CUX1: variants seen among roughly 807,000 people sequenced by gnomAD.
CUX1 encodes the protein protein CASP.
Under a neutral mutation model 158.8 loss-of-function variants are expected in CUX1, and 31 were observed. The observed-to-expected ratio is 0.20, with a 90% CI of 0.15 to 0.26. The LOEUF is 0.26. CUX1 is among the 10% of genes least tolerant of loss of function. The pLI is 1.00. For missense variants in CUX1, 1,589 were observed against 2,014.6 expected (o/e 0.79, Z 4.04); for synonymous variants, 879 against 862.1 (o/e 1.02, Z -0.34).
At chr7:101,969,359 C>CAAAAAAAAAAAAAAAAAAAA (rs10711703) in intron 2 of CUX1, among the ~76,000 whole-genome samples, 2 of 56,110 alleles carry the variant, frequency 3.6e-5, no homozygotes, top group Admixed American at 2.1e-4. Context: ...CAAAAAACAG[C>CAAAAAAAAAAAAAAAAAAAA]AAAAAAAAAA....
At chr7:101,922,087 C>T (rs1044054983) in intron 2 of CUX1, among the ~76,000 whole-genome samples, 6 of 151,898 alleles carry the variant, frequency 4.0e-5, no homozygotes, top group African/African-American at 1.5e-4. Context: ...CACTGCACTC[C>T]AGCCTGGGCA....
At chr7:102,080,268 G>T (rs2130732394) in intron 4 of CUX1, among the ~76,000 whole-genome samples, 1 of 152,284 alleles carries the variant, frequency 6.6e-6, no homozygotes, top group Non-Finnish European at 1.5e-5. Flanking sequence ...TGCGTCGTTT[G>T]TGCCCCGCTT....
chr7:102,115,754 G>A (rs1236593110), intron 8 of CUX1: 1 of 152,964 alleles, frequency 6.5e-6, no homozygotes, highest in Admixed American at 6.5e-5. Flanking sequence ...GTCACAAAAG[G>A]CCAATTCCTA....
At chr7:101,855,130 C>T (rs890481367) in intron 1 of CUX1, among the ~76,000 whole-genome samples, 15 of 152,230 alleles carry the variant, frequency 9.9e-5, no homozygotes, top group Non-Finnish European at 1.9e-4. Context: ...TCCCCAGTGC[C>T]GTGGCATCTT....
intron 4 of CUX1, among the ~76,000 whole-genome samples, chr7:102,070,752 C>G (rs1826033849): frequency 6.6e-6 from 1 of 152,114 alleles, no homozygotes; most frequent in African/African-American, 2.4e-5. Context: ...GTGTGGAAGT[C>G]CCTCATATTG....
intron 1 of CUX1, among the ~76,000 whole-genome samples, chr7:101,838,265 G>T (rs1794848111): frequency 6.6e-6 from 1 of 151,714 alleles, no homozygotes; most frequent in Admixed American, 6.6e-5. Flanking sequence ...GAGTAGCTGG[G>T]ACTACAGGCG....
chr7:102,035,556 A>T (rs1821331849), intron 3 of CUX1, among the ~76,000 whole-genome samples: 1 of 151,742 alleles, frequency 6.6e-6, no homozygotes, highest in African/African-American at 2.4e-5. Flanking sequence ...AGGTTACTAG[A>T]TACAAAATCA....
intron 4 of CUX1, among the ~76,000 whole-genome samples, chr7:102,089,384 G>A (rs1828290412): frequency 6.6e-6 from 1 of 152,198 alleles, no homozygotes; most frequent in South Asian, 2.1e-4. Flanking sequence ...GACATCATGA[G>A]CTTTAACTGG....
chr7:102,202,506 C>T (rs1438519194), intron 18 of CUX1, among the ~76,000 whole-genome samples: 1 of 152,100 alleles, frequency 6.6e-6, no homozygotes, highest in Non-Finnish European at 1.5e-5. Context: ...GGGAAGGACA[C>T]CAAGGCTTGG....
chr7:102,026,518 G>T lies in CUX1; in HGVS notation c.142-1580G>T, dbSNP rs1262683584. Among the ~76,000 whole-genome samples the T allele has an allele frequency of 5.9e-5, 9 of 151,940 alleles. No homozygotes were observed. In the East Asian group the frequency reaches 1.8e-3, roughly 30 times the overall value. ...GTAGCTTTCCTCAGATTCTCAGAAG[G>T]CTTCATCAACTAAAATGTAGGCCTA... On this transcript the variant is annotated intron_variant, in intron 2 of 23. Transcript: ENST00000292535.
intron 20 of CUX1, among the ~76,000 whole-genome samples, chr7:102,216,164 CGTA>C (rs1410419356): frequency 1.3e-5 from 2 of 152,038 alleles, no homozygotes; most frequent in Non-Finnish European, 2.9e-5. Flanking sequence ...ATTAGCCAGG[CGTA>C]GTGGTGTGCA....
At chr7:102,239,210 C>G in intron 22 of CUX1, 110 bp from the exon 23 acceptor site, 4 of 1,276,758 alleles carry the variant, frequency 3.1e-6, no homozygotes, top group East Asian at 2.5e-5. Context: ...TTGAGATGCT[C>G]TATGCAAAGT....
At chr7:102,277,615 A>C (rs1386025614) in intron 17 of CUX1, among the ~76,000 whole-genome samples, 6 of 151,956 alleles carry the variant, frequency 3.9e-5, no homozygotes, top group Non-Finnish European at 7.4e-5. Flanking sequence ...AAATAATAAA[A>C]ATAAAAATAA....
Position 101,817,723 on chromosome 7 carries a change from G to T in CUX1, c.30+54G>T. ...AGGTTGCAGGCGCGGAGGGAACCGG[G>T]GATGTCGGGGGGTGCCCGGGTCCCG... is the stretch of plus-strand genomic sequence containing the variant. On this transcript the variant is annotated intron_variant, in intron 1 of 23. Coordinates refer to ENST00000292535, the MANE Select transcript of CUX1 (RefSeq NM_181552.4). The surrounding 1 kb of genome is among the most constrained non-coding windows in gnomAD (Gnocchi z 4.1). The T allele has an allele frequency of 1.3e-6, 2 of 1,543,092 alleles. No homozygotes were observed. Among genetic ancestry groups the T allele is most frequent in the South Asian group, 2.4e-5 (2 of 83,640 alleles).
Position 102,131,058 on chromosome 7 carries a change from G to A in CUX1, c.674+15785G>A, listed in dbSNP as rs570029538. On this transcript the variant is annotated intron_variant, in intron 8 of 23. Coordinates refer to ENST00000292535, the MANE Select transcript of CUX1 (RefSeq NM_181552.4). Reference sequence around the variant, plus strand: ...CAGCTACTCAGAAAGCTGAGTCAGCGAGATCATGCCACTGCATTTCAGCCT... The same window carrying A: ...CAGCTACTCAGAAAGCTGAGTCAGCAAGATCATGCCACTGCATTTCAGCCT... Among the ~76,000 whole-genome samples, 41 of 147,302 alleles carry A rather than the reference G, an allele frequency of 2.8e-4. No individual in the cohort carries two copies. In the South Asian group the frequency reaches 5.3e-3, roughly 19 times the overall value.
chr7:102,053,625 T>C (rs1023853444), intron 3 of CUX1, among the ~76,000 whole-genome samples: 1 of 152,106 alleles, frequency 6.6e-6, no homozygotes, highest in African/African-American at 2.4e-5. Flanking sequence ...ATCCTTCTAC[T>C]TTCTATGTCC....
chr7:101,874,626 C>T (rs1181164001), intron 1 of CUX1, among the ~76,000 whole-genome samples: 2 of 152,164 alleles, frequency 1.3e-5, no homozygotes, highest in African/African-American at 2.4e-5. Flanking sequence ...AAGTCACTGG[C>T]CCAGGTCCTC....
rs781824811 is a variant in CUX1, at chr7:102,255,027, AG to A, written c.*5990del. ...TTGGGCTTAATCAGGACGGAAGAGG[AG>A]GGGGTGTGGGGGGCAGAGCGTAAAA... On this transcript the variant is annotated 3_prime_UTR_variant, in exon 24 of 24. Transcript: ENST00000292535. 2.9e-4 allele frequency: 282 copies of A among 985,360 alleles called. 1 individual carries two copies. Among genetic ancestry groups the A allele is most frequent in the Non-Finnish European group, 3.2e-4 (266 of 829,988 alleles). 61.0% of individuals were successfully genotyped at this position (985,360 alleles called of 1,614,324 possible). A position where few individuals can be genotyped will look rare whatever the true frequency, so the allele number is the denominator to read the frequency against.
chr7:101,868,020 T>A (rs960393232), intron 1 of CUX1, among the ~76,000 whole-genome samples: 41 of 151,628 alleles, frequency 2.7e-4, no homozygotes, highest in African/African-American at 8.5e-4. Flanking sequence ...CTCTCTTTTT[T>A]AAAAAAAATA....
Sources: gnomAD v4.1 joint callset for allele counts (sites outside exome capture counted in the v4.1 genomes callset) on GRCh38, gnomAD v4.1.1 for gene constraint, Gnocchi (gnomAD v3.1) non-coding constraint, MANE v1.5 for transcripts, NCBI Gene and HGNC (gene_info 2026-07-23, HGNC 2026-07-21) for gene names.